The following TRPV4 variants were observed in gnomAD, a reference collection of about 807,000 sequenced individuals.
TRPV4 encodes the protein OSM9-like transient receptor potential channel 4.
A neutral mutation model predicts 84.1 loss-of-function variants in TRPV4; 58 were observed. The ratio of observed to expected loss-of-function variants is 0.69; its 90% CI spans 0.56 to 0.86. The LOEUF (loss-of-function observed/expected upper bound fraction) is 0.86, where lower values mean the gene tolerates loss of function less well. TRPV4 is among the 40% of genes least tolerant of loss of function. The pLI is 0.00. For synonymous variants in TRPV4, 489 were observed against 500.9 expected (o/e 0.98, Z 0.32); for missense variants, 879 against 1,181.1 (o/e 0.74, Z 3.75).
chr12:109,823,927 CTTTT>C (rs1011723328), intron 1 of TRPV4, among the ~76,000 whole-genome samples: 1 of 145,384 alleles, frequency 6.9e-6, no homozygotes, highest in Admixed American at 7.0e-5. Flanking sequence ...TAAAGGGTTT[CTTTT>C]TTTTCTTTCT....
intron 3 of TRPV4, among the ~76,000 whole-genome samples, chr12:109,807,012 C>T (rs1230821013): frequency 6.6e-6 from 1 of 152,140 alleles, no homozygotes; most frequent in Non-Finnish European, 1.5e-5. Context: ...CACAGTGGCT[C>T]ATGCCTATAA....
At position 109,825,707 on chromosome 12, in the gene TRPV4, G is replaced by A. The variant is rs570539718; in HGVS notation, c.-32+7643C>T. ...GGGAGACTAAGGACCAGAAGGGACA[G>A]GACACTCGTCCATGCATACGTTCCT... On this transcript the variant is annotated intron_variant, in intron 1 of 15. Coordinates refer to ENST00000261740, the MANE Select transcript of TRPV4 (RefSeq NM_021625.5). Among the ~76,000 whole-genome samples the A allele has an allele frequency of 2.0e-5, 3 of 152,298 alleles. No individual in the cohort carries two copies. The South Asian group carries it at 6.2e-4, about 32-fold the overall frequency.
chr12:109,810,606 C>G (rs1891463047), intron 2 of TRPV4, among the ~76,000 whole-genome samples: 1 of 152,160 alleles, frequency 6.6e-6, no homozygotes. Context: ...CATTAGCATC[C>G]ACAGTAGGGT....
intron 1 of TRPV4, among the ~76,000 whole-genome samples, chr12:109,823,283 G>A (rs1406470685): frequency 6.6e-6 from 1 of 152,218 alleles, no homozygotes; most frequent in African/African-American, 2.4e-5. Context: ...CCAGTGTCCT[G>A]CTGGGCCCCC....
chr12:109,809,448 TCATCCATC>T (rs140113824), intron 2 of TRPV4, among the ~76,000 whole-genome samples: 1 of 129,590 alleles, frequency 7.7e-6, no homozygotes, highest in Non-Finnish European at 1.6e-5. Context: ...ATCCACCCAC[TCATCCATC>T]CATCCATCCA....
chr12:109,817,377 G>A (rs1036409227), intron 1 of TRPV4, among the ~76,000 whole-genome samples: 1 of 152,098 alleles, frequency 6.6e-6, no homozygotes, highest in African/African-American at 2.4e-5. Flanking sequence ...GGCACCTCAG[G>A]GGCTAATGGA....
At chr12:109,826,757 A>G (rs1165135279) in intron 1 of TRPV4, among the ~76,000 whole-genome samples, 1 of 152,186 alleles carries the variant, frequency 6.6e-6, no homozygotes, top group African/African-American at 2.4e-5. Flanking sequence ...CCATTTAGTA[A>G]CTGCGTGGCC....
At chr12:109,801,208 G>A (rs929490547) in intron 4 of TRPV4, among the ~76,000 whole-genome samples, 3 of 152,208 alleles carry the variant, frequency 2.0e-5, no homozygotes, top group Non-Finnish European at 4.4e-5. Flanking sequence ...AGCTACTCCA[G>A]AGGCTGAGGC....
At position 109,814,893 on chromosome 12, in the gene TRPV4, T is replaced by C. The variant is rs908767193; in HGVS notation, c.-31-66A>G. The C allele has an allele frequency of 6.9e-6, 10 of 1,444,228 alleles. No homozygotes were observed. The East Asian group carries it at 2.2e-4, about 32-fold the overall frequency. 89.5% of individuals were successfully genotyped at this position (1,444,228 alleles called of 1,614,324 possible). On this transcript the variant is annotated intron_variant, in intron 1 of 15. Transcript: ENST00000261740. The surrounding 1 kb of genome is among the most constrained non-coding windows in gnomAD (Gnocchi z 5.4). Reference sequence around the variant, plus strand: ...GGGGCGGGGGCTCCAGGAAGCCCCCTCCCACGTGGACAAGCAGCAGTGCTG... The same window carrying C: ...GGGGCGGGGGCTCCAGGAAGCCCCCCCCCACGTGGACAAGCAGCAGTGCTG...
At chr12:109,808,183 C>T in intron 3 of TRPV4, 113 bp downstream of exon 3, 1 of 1,250,460 alleles carries the variant, frequency 8.0e-7, no homozygotes, top group South Asian at 1.3e-5. Flanking sequence ...CTTTCCAGGC[C>T]AATGCAGTCC....
chr12:109,826,381 T>A (rs2136714439), intron 1 of TRPV4, among the ~76,000 whole-genome samples: 1 of 152,352 alleles, frequency 6.6e-6, no homozygotes, highest in Middle Eastern at 3.4e-3. Context: ...ATTGTCTCCA[T>A]TCCCAGATGT....
intron 7 of TRPV4, among the ~76,000 whole-genome samples, chr12:109,794,774 T>C (rs1890288390): frequency 6.6e-6 from 1 of 152,140 alleles, no homozygotes; most frequent in East Asian, 1.9e-4. Flanking sequence ...TCCTAGCACT[T>C]TGGGAGGCCA....
At position 109,783,716 on chromosome 12, in the gene TRPV4, C is replaced by T. The variant is rs1592812166; in HGVS notation, c.2521G>A (p.Val841Met). Residue 841 changes from valine to methionine, a missense_variant, in exon 16 of 16, where the codon GTG becomes ATG. Physicochemically the swap from Val to Met is conservative, Grantham distance 21 (BLOSUM62 1). Transcript: ENST00000261740. The surrounding 1 kb of genome is among the most constrained non-coding windows in gnomAD (Gnocchi z 4.6). Reference protein sequence around the residue: ...ELNKNSNPDEVVVPLDSMGNP... With the variant: ...ELNKNSNPDEMVVPLDSMGNP... Reference sequence around the variant, plus strand: ...CCCATGCTGTCCAGAGGCACCACCACCTCGTCCGGGTTCGAGTTCTTGTTC... The same window carrying T: ...CCCATGCTGTCCAGAGGCACCACCATCTCGTCCGGGTTCGAGTTCTTGTTC... The T allele has an allele frequency of 6.2e-7, 1 of 1,613,804 alleles. No homozygotes were observed.
intron 7 of TRPV4, 116 bp from the exon 8 acceptor site, chr12:109,794,603 T>C (rs1890274216): frequency 9.0e-7 from 1 of 1,114,650 alleles, no homozygotes; most frequent in Non-Finnish European, 1.3e-6. Flanking sequence ...TCTCTTTCCA[T>C]CCATTCCTCA....
At chr12:109,797,555 G>A (rs995388707) in intron 6 of TRPV4, among the ~76,000 whole-genome samples, 2 of 152,146 alleles carry the variant, frequency 1.3e-5, no homozygotes, top group African/African-American at 2.4e-5. Flanking sequence ...CTGGGCTCAA[G>A]TGCTCCTCCC....
Position 109,793,813 on chromosome 12 carries a change from A to G in TRPV4, c.1584+117T>C. 1 of 888,654 alleles carries G rather than the reference A, an allele frequency of 1.1e-6. No individual in the cohort carries two copies. The highest frequency in any genetic ancestry group is 2.0e-5 in the Admixed American group (1 of 49,632). 55.0% of individuals were successfully genotyped at this position (888,654 alleles called of 1,614,324 possible). ...AGAGAAATGGGAAAATAAAAGGAGG[A>G]AGGAAAGGAGAAGGACCATTTGGAG... is the stretch of plus-strand genomic sequence containing the variant. On this transcript the variant is annotated intron_variant, in intron 9 of 15. Transcript: ENST00000261740. This position sits in a 1 kb window ranked among gnomAD's most constrained non-coding sequence, Gnocchi z 4.0.
Position 109,794,089 on chromosome 12 carries a change from G to A in TRPV4, c.1492-67C>T, listed in dbSNP as rs979807496. 5.1e-6 allele frequency: 7 copies of A among 1,365,912 alleles called. No homozygotes were observed. The Admixed American group carries it at 1.4e-4, about 27-fold the overall frequency. 84.6% of individuals were successfully genotyped at this position (1,365,912 alleles called of 1,614,324 possible). ...CCAACATCTGGCCCCCAATCCAGATGTTCCCCCAGGCCCGAAACATCGGCA... is the reference window on the plus strand; with the variant it reads ...CCAACATCTGGCCCCCAATCCAGATATTCCCCCAGGCCCGAAACATCGGCA... On this transcript the variant is annotated intron_variant, in intron 8 of 15. Transcript: ENST00000261740.
chr12:109,787,775 T>C (rs1685001756), intron 13 of TRPV4, among the ~76,000 whole-genome samples: 1 of 152,164 alleles, frequency 6.6e-6, no homozygotes, highest in Admixed American at 6.5e-5. Context: ...ACACGGGTGC[T>C]GTATTCCTGG....
chr12:109,791,344 G>T (rs970500796), intron 12 of TRPV4, among the ~76,000 whole-genome samples: 13 of 151,990 alleles, frequency 8.6e-5, no homozygotes, highest in South Asian at 2.1e-4. Flanking sequence ...GAGCACCACT[G>T]CCCTCCAGCC....
Sources: gnomAD v4.1 joint callset for allele counts (sites outside exome capture counted in the v4.1 genomes callset) on GRCh38, gnomAD v4.1.1 for gene constraint, Gnocchi (gnomAD v3.1) non-coding constraint, MANE v1.5 for transcripts, NCBI Gene and HGNC (gene_info 2026-07-23, HGNC 2026-07-21) for gene names.